ASTN2: variants seen among roughly 807,000 people sequenced by gnomAD.
ASTN2 encodes astrotactin-2.
ASTN2 carries 54 observed loss-of-function variants against 139.8 expected under a neutral mutation model. The observed-to-expected ratio is 0.39, with a 90% CI of 0.31 to 0.48. The LOEUF is 0.48. Among genes scored for constraint, ASTN2 ranks in the 20% least tolerant of loss-of-function variants. The pLI is 0.95. For missense variants in ASTN2, 1,565 were observed against 1,725.1 expected (o/e 0.91, Z 1.64); for synonymous variants, 756 against 719.5 (o/e 1.05, Z -0.81).
chr9:117,200,511 C>A (rs894318788), intron 3 of ASTN2, among the ~76,000 whole-genome samples: 1 of 152,002 alleles, frequency 6.6e-6, no homozygotes, highest in African/African-American at 2.4e-5. Flanking sequence ...TCATAAATAC[C>A]TGTTATTATT....
chr9:117,120,014 GTGTGTATATATA>G (rs1829506775), intron 4 of ASTN2, among the ~76,000 whole-genome samples: 6 of 35,334 alleles, frequency 1.7e-4, no homozygotes, highest in South Asian at 1.2e-3. Context: ...GTGTGTGTGT[GTGTGTATATATA>G]TATATATATA....
chr9:117,090,541 C>T (rs1449636879), intron 5 of ASTN2, among the ~76,000 whole-genome samples: 2 of 152,198 alleles, frequency 1.3e-5, no homozygotes, highest in Admixed American at 1.3e-4. Context: ...GATCCTATTG[C>T]TGAAAATGGG....
intron 6 of ASTN2, among the ~76,000 whole-genome samples, chr9:117,017,306 C>T (rs1837743323): frequency 1.3e-5 from 2 of 152,030 alleles, no homozygotes; most frequent in Admixed American, 1.3e-4. Context: ...AGGCATCAGA[C>T]CCAATTTTAG....
chr9:117,043,023 A>T (rs1838625054), intron 5 of ASTN2, among the ~76,000 whole-genome samples: 1 of 152,044 alleles, frequency 6.6e-6, no homozygotes, highest in Non-Finnish European at 1.5e-5. Context: ...GGCACACACC[A>T]CCACACCCAG....
chr9:117,303,541 A>G (rs1834927366), intron 1 of ASTN2, among the ~76,000 whole-genome samples: 1 of 152,180 alleles, frequency 6.6e-6, no homozygotes, highest in Admixed American at 6.5e-5. Flanking sequence ...CATTTGATGC[A>G]GCCAAACCAG....
intron 4 of ASTN2, among the ~76,000 whole-genome samples, chr9:117,118,927 C>G (rs957151093): frequency 6.6e-6 from 1 of 152,090 alleles, no homozygotes; most frequent in Non-Finnish European, 1.5e-5. Flanking sequence ...ATCTTTTTAC[C>G]CTGTTTTATT....
At chr9:117,235,964 G>A (rs992884042) in intron 2 of ASTN2, among the ~76,000 whole-genome samples, 3 of 152,130 alleles carry the variant, frequency 2.0e-5, no homozygotes, top group Non-Finnish European at 4.4e-5. Context: ...CATTTTCAGA[G>A]AACTAAAGGC....
chr9:116,682,567 G>A (rs1229143846), intron 16 of ASTN2, among the ~76,000 whole-genome samples: 22 of 152,074 alleles, frequency 1.4e-4, no homozygotes, highest in East Asian at 7.7e-4. Context: ...CTATAAAGAC[G>A]CATTCACACG....
chr9:116,677,728 C>T lies in ASTN2; in HGVS notation c.2807-25935G>A, dbSNP rs140965898. On this transcript the variant is annotated intron_variant, in intron 16 of 22. Transcript: ENST00000313400. ...GCACTGTCTTCTCCCATAGTATTTC[C>T]CTCCTTTTGGGGACCCAGGATCCAG... Among the ~76,000 whole-genome samples the T allele has an allele frequency of 6.6e-3, 1,004 of 152,206 alleles. 11 individuals are homozygous for T. The highest frequency in any genetic ancestry group is 0.023 in the African/African-American group (948 of 41,518).
chr9:117,039,755 T>A (rs572134788), intron 6 of ASTN2, 64 bp downstream of exon 6: 265 of 1,527,376 alleles, frequency 1.7e-4, no homozygotes, highest in Middle Eastern at 8.7e-4. Context: ...CACAGAAACC[T>A]TTGACCAGTC....
At chr9:116,937,674 C>T (rs1423165583) in intron 10 of ASTN2, among the ~76,000 whole-genome samples, 1 of 151,954 alleles carries the variant, frequency 6.6e-6, no homozygotes, top group African/African-American at 2.4e-5. Context: ...GAAAGATATG[C>T]ATTTGAGGTT....
At chr9:117,171,297 A>G (rs1830787621) in intron 3 of ASTN2, among the ~76,000 whole-genome samples, 1 of 152,176 alleles carries the variant, frequency 6.6e-6, no homozygotes, top group African/African-American at 2.4e-5. Flanking sequence ...TCATGTCCAA[A>G]GAGTAAAGGC....
intron 16 of ASTN2, among the ~76,000 whole-genome samples, chr9:116,709,156 T>G (rs1828073863): frequency 6.6e-6 from 1 of 152,066 alleles, no homozygotes; most frequent in Non-Finnish European, 1.5e-5. Flanking sequence ...ACCCTAAAAG[T>G]TCAACATAGC....
intron 13 of ASTN2, among the ~76,000 whole-genome samples, chr9:116,770,978 C>A (rs10817931): frequency 0.41 from 61,635 of 151,992 alleles, 12,494 homozygotes; most frequent in Middle Eastern, 0.51. Flanking sequence ...AAAAATTGAT[C>A]CTGTGCTCCA....
At chr9:116,631,896 A>C (rs974153124) in intron 17 of ASTN2, among the ~76,000 whole-genome samples, 1 of 151,994 alleles carries the variant, frequency 6.6e-6, no homozygotes. Context: ...CAGGCGGATC[A>C]CAAGGTCAAG....
At chr9:116,539,724 C>G (rs1427168493) in intron 19 of ASTN2, among the ~76,000 whole-genome samples, 1 of 152,172 alleles carries the variant, frequency 6.6e-6, no homozygotes, top group Non-Finnish European at 1.5e-5. Flanking sequence ...GCTTCACACC[C>G]TGGGTGGGAT....
intron 3 of ASTN2, among the ~76,000 whole-genome samples, chr9:117,195,872 C>A (rs2132979169): frequency 6.6e-6 from 1 of 152,298 alleles, no homozygotes; most frequent in Non-Finnish European, 1.5e-5. Context: ...ACAATAGGAT[C>A]TCCCTGCTGC....
At chr9:116,890,131 G>T (rs914436102) in intron 10 of ASTN2, among the ~76,000 whole-genome samples, 2 of 152,174 alleles carry the variant, frequency 1.3e-5, no homozygotes, top group African/African-American at 4.8e-5. Flanking sequence ...AACCAGGCAG[G>T]GGGAGCGAGA....
intron 10 of ASTN2, among the ~76,000 whole-genome samples, chr9:116,942,433 G>T (rs992333880): frequency 6.6e-6 from 1 of 152,100 alleles, no homozygotes; most frequent in Admixed American, 6.5e-5. Flanking sequence ...TTTATGACTT[G>T]GTCATTGGCC....
Sources: gnomAD v4.1 joint callset for allele counts (sites outside exome capture counted in the v4.1 genomes callset) on GRCh38, gnomAD v4.1.1 for gene constraint, MANE v1.5 for transcripts, NCBI Gene and HGNC (gene_info 2026-07-23, HGNC 2026-07-21) for gene names.